The following LRRTM4 variants were observed in gnomAD, a reference collection of about 807,000 sequenced individuals.
LRRTM4 encodes leucine rich repeat transmembrane neuronal 4, also known as leucine-rich repeat transmembrane neuronal protein 4.
LRRTM4 carries 25 observed loss-of-function variants against 47.6 expected under a neutral mutation model. The ratio of observed to expected loss-of-function variants is 0.53; its 90% CI spans 0.38 to 0.73. The LOEUF (loss-of-function observed/expected upper bound fraction) is 0.73. LRRTM4 is among the 30% of genes least tolerant of loss of function. The pLI, the probability that LRRTM4 is intolerant of heterozygous loss-of-function variation, is 0.00. For synonymous variants in LRRTM4, 311 were observed against 269.5 expected (o/e 1.15, Z -1.51); for missense variants, 638 against 713.4 (o/e 0.89, Z 1.20).
In LRRTM4 at chr2:77,034,677, A is replaced by C. The variant is rs142766751; in HGVS notation, c.1552-285761T>G. The stretch of plus-strand genomic sequence containing the variant: ...TAAATCCAGAGGCTTGTTTAGATTG[A>C]GGTTTGATCACTTTGGTCGGGCTGT... On this transcript the variant is annotated intron_variant, in intron 3 of 3. Transcript: ENST00000409884. Among the ~76,000 whole-genome samples, 38 of 151,888 alleles carry C rather than the reference A, an allele frequency of 2.5e-4. No individual in the cohort carries two copies. In the East Asian group the frequency reaches 5.8e-3, roughly 23 times the overall value.
At chr2:77,277,731 C>T (rs1270559435) in intron 3 of LRRTM4, among the ~76,000 whole-genome samples, 1 of 151,952 alleles carries the variant, frequency 6.6e-6, no homozygotes, top group Non-Finnish European at 1.5e-5. Context: ...GAATATAGCT[C>T]ATTCGTAGTG....
At chr2:76,806,313 G>A (rs1235209764) in intron 3 of LRRTM4, among the ~76,000 whole-genome samples, 2 of 152,116 alleles carry the variant, frequency 1.3e-5, no homozygotes, top group Admixed American at 6.6e-5. Flanking sequence ...CCCGTGCGGT[G>A]GCTCACACCT....
chr2:77,209,637 T>C (rs1674237946), intron 3 of LRRTM4, among the ~76,000 whole-genome samples: 1 of 152,204 alleles, frequency 6.6e-6, no homozygotes. Context: ...TATACCTGCA[T>C]ATGATTTATT....
chr2:77,167,402 C>T lies in LRRTM4; in HGVS notation c.1551+350916G>A, dbSNP rs1185088953. Among the ~76,000 whole-genome samples, 4 of 152,126 alleles carry T rather than the reference C, an allele frequency of 2.6e-5. No individual in the cohort carries two copies. The East Asian group carries it at 7.7e-4, about 29-fold the overall frequency. On this transcript the variant is annotated intron_variant, in intron 3 of 3. Coordinates refer to ENST00000409884, the MANE Select transcript of LRRTM4 (RefSeq NM_001134745.3). Reference sequence around the variant, plus strand: ...TGTGGAAGACAGTGTGGAGATTCGTCAAGGATCTAGAACTATAAATGCCAT... The same window carrying T: ...TGTGGAAGACAGTGTGGAGATTCGTTAAGGATCTAGAACTATAAATGCCAT...
At chr2:77,182,101 A>G (rs549036992) in intron 3 of LRRTM4, among the ~76,000 whole-genome samples, 35 of 152,290 alleles carry the variant, frequency 2.3e-4, no homozygotes, top group African/African-American at 8.2e-4. Flanking sequence ...AAATCATTCT[A>G]CTATAAAGAT....
chr2:76,900,448 A>T (rs1251167218), intron 3 of LRRTM4, among the ~76,000 whole-genome samples: 1 of 152,136 alleles, frequency 6.6e-6, no homozygotes, highest in Admixed American at 6.6e-5. Context: ...CATTGCTCAC[A>T]TTAAGTTATA....
rs538563603 is a variant in LRRTM4 at position 77,188,786 on chromosome 2, C to T, written c.1551+329532G>A. On this transcript the variant is annotated intron_variant, in intron 3 of 3. Coordinates refer to ENST00000409884, the MANE Select transcript of LRRTM4 (RefSeq NM_001134745.3). Reference sequence around the variant, plus strand: ...GCCCTCCCATTTGCAATGCTCTTGACCCTTCTATTACACCAGGTGCTCAAG... The same window carrying T: ...GCCCTCCCATTTGCAATGCTCTTGATCCTTCTATTACACCAGGTGCTCAAG... Among the ~76,000 whole-genome samples the T allele has an allele frequency of 1.3e-4, 20 of 152,290 alleles. No homozygotes were observed. The South Asian group carries it at 3.1e-3, about 24-fold the overall frequency.
intron 3 of LRRTM4, among the ~76,000 whole-genome samples, chr2:77,503,838 A>G (rs964762959): frequency 6.6e-6 from 1 of 151,706 alleles, no homozygotes; most frequent in African/African-American, 2.4e-5. Context: ...GTTAACAATT[A>G]TTGAGATATC....
chr2:76,856,246 C>T (rs1005059567), intron 3 of LRRTM4, among the ~76,000 whole-genome samples: 1 of 151,950 alleles, frequency 6.6e-6, no homozygotes, highest in Non-Finnish European at 1.5e-5. Context: ...CTTTGCACTC[C>T]AGCCTAGGTG....
chr2:77,081,111 T>G (rs1680515373), intron 3 of LRRTM4, among the ~76,000 whole-genome samples: 1 of 152,138 alleles, frequency 6.6e-6, no homozygotes, highest in South Asian at 2.1e-4. Flanking sequence ...GCCTTTGGTT[T>G]TCTGTGATAG....
At chr2:77,493,854 GATA>G (rs1323460435) in intron 3 of LRRTM4, among the ~76,000 whole-genome samples, 1 of 151,926 alleles carries the variant, frequency 6.6e-6, no homozygotes, top group African/African-American at 2.4e-5. Context: ...GTGTAATTCT[GATA>G]ATAAAAATGG....
chr2:77,313,482 T>C (rs938925076), intron 3 of LRRTM4, among the ~76,000 whole-genome samples: 17 of 133,058 alleles, frequency 1.3e-4, no homozygotes, highest in East Asian at 9.4e-4. Flanking sequence ...TACCTCCCTA[T>C]GTTTTCCTGG....
In LRRTM4 at chr2:77,485,416, A is replaced by G. The variant is rs1677871959; in HGVS notation, c.1551+32902T>C. Among the ~76,000 whole-genome samples the G allele has an allele frequency of 2.0e-5, 3 of 152,186 alleles. No individual in the cohort carries two copies. The South Asian group carries it at 6.2e-4, about 31-fold the overall frequency. ...CACAAAATAATCTACATGTAAAGAA[A>G]ACAATGAACAAAGACCCAGAGGTTG... On this transcript the variant is annotated intron_variant, in intron 3 of 3. Transcript: ENST00000409884.
chr2:77,458,201 C>G (rs780662152), intron 3 of LRRTM4, among the ~76,000 whole-genome samples: 1 of 152,110 alleles, frequency 6.6e-6, no homozygotes, highest in East Asian at 1.9e-4. Context: ...AGATGTTAAT[C>G]TCTGTTCAAA....
chr2:77,209,115 G>A (rs554027718), intron 3 of LRRTM4, among the ~76,000 whole-genome samples: 94 of 152,158 alleles, frequency 6.2e-4, no homozygotes, highest in African/African-American at 2.2e-3. Flanking sequence ...ATTTCCGAGA[G>A]GACTTAAGTA....
chr2:77,269,022 C>A (rs1017051306), intron 3 of LRRTM4, among the ~76,000 whole-genome samples: 4 of 152,128 alleles, frequency 2.6e-5, no homozygotes, highest in African/African-American at 7.2e-5. Context: ...ACCACTGAAC[C>A]TTTGCACACA....
intron 3 of LRRTM4, among the ~76,000 whole-genome samples, chr2:77,337,825 G>A (rs1042039063): frequency 3.3e-5 from 5 of 152,008 alleles, no homozygotes; most frequent in East Asian, 1.9e-4. Context: ...GAACAAAGTC[G>A]GAGGCATCAC....
chr2:76,873,504 G>GTA lies in LRRTM4; in HGVS notation c.1552-124589_1552-124588insTA, dbSNP rs1371189658. 7.2e-3 allele frequency among the ~76,000 whole-genome samples: 530 copies of GTA among 73,188 alleles called. 7 individuals are homozygous for GTA. Among genetic ancestry groups the GTA allele is most frequent in the East Asian group, 0.033 (48 of 1,442 alleles). 48.0% of individuals were successfully genotyped at this position (73,188 alleles called of 152,430 possible). ...TATATGTGTGTGTGTATATATATGT[G>GTA]TGTATATATATATATATATATATAT... On this transcript the variant is annotated intron_variant, in intron 3 of 3. Transcript: ENST00000409884.
chr2:77,401,672 T>A (rs1275802873), intron 3 of LRRTM4, among the ~76,000 whole-genome samples: 1 of 151,948 alleles, frequency 6.6e-6, no homozygotes, highest in Non-Finnish European at 1.5e-5. Context: ...CCGCCAGCCC[T>A]AAGTGTAATA....
Sources: allele counts gnomAD v4.1 joint callset (sites outside exome capture counted in the v4.1 genomes callset), GRCh38; gene constraint gnomAD v4.1.1; transcripts MANE v1.5; gene names NCBI Gene and HGNC (gene_info 2026-07-23, HGNC 2026-07-21).